Variants in EMP2 observed in about 807,000 individuals in gnomAD.
The protein encoded by EMP2 is epithelial membrane protein 2.
EMP2 carries 19 observed loss-of-function variants against 13.7 expected under a neutral mutation model. The observed-to-expected ratio is 1.38, with a 90% CI of 0.97 to 2.03. EMP2 has a LOEUF of 2.03. EMP2 is among the 30% of genes most tolerant of loss of function. The pLI, the probability that EMP2 is intolerant of heterozygous loss-of-function variation, is 0.00. For synonymous variants in EMP2, 97 were observed against 84.7 expected (o/e 1.15, Z -0.80); for missense variants, 253 against 220.7 (o/e 1.15, Z -0.93).
intron 2 of EMP2, chr16:10,545,517 G>A (rs1165639021): frequency 6.6e-6 from 1 of 152,200 alleles, no homozygotes; most frequent in Admixed American, 6.5e-5. Context: ...GATTCTTATA[G>A]GAGTGTCAAC....
intron 2 of EMP2, chr16:10,546,529 G>C (rs890572537): frequency 1.8e-4 from 28 of 152,214 alleles, no homozygotes; most frequent in African/African-American, 6.5e-4. Context: ...CATGAGCTCT[G>C]CTGGGGAGGA....
intron 3 of EMP2, among the ~76,000 whole-genome samples, chr16:10,539,406 A>G (rs909059973): frequency 4.6e-5 from 7 of 152,134 alleles, no homozygotes. Context: ...CTTTCCCCCA[A>G]TTCCTTATGG....
At chr16:10,579,708 G>GCACACACACACACACA (rs71133370) in intron 1 of EMP2, among the ~76,000 whole-genome samples, 21 of 146,784 alleles carry the variant, frequency 1.4e-4, no homozygotes, top group East Asian at 4.0e-4. Flanking sequence ...AGATCAAGGT[G>GCACACACACACACACA]CACACACACA....
At chr16:10,577,940 T>G in intron 1 of EMP2, 1 of 150,658 alleles carries the variant, frequency 6.6e-6, no homozygotes, top group African/African-American at 2.4e-5. Context: ...AGCCACATGT[T>G]GTCCCCCCCA....
intron 2 of EMP2, chr16:10,544,750 T>C (rs550611418): frequency 1.3e-5 from 2 of 152,346 alleles, no homozygotes; most frequent in South Asian, 4.1e-4. Flanking sequence ...TCAGGCATGG[T>C]GGTGTGTGAC....
chr16:10,539,391 C>G (rs1004366930), intron 3 of EMP2, among the ~76,000 whole-genome samples: 2 of 152,148 alleles, frequency 1.3e-5, no homozygotes, highest in Non-Finnish European at 2.9e-5. Flanking sequence ...TGGAGAGCAT[C>G]TAGCCTTTCC....
chr16:10,558,022 G>A (rs1057386496), intron 1 of EMP2, among the ~76,000 whole-genome samples: 1 of 148,200 alleles, frequency 6.7e-6, no homozygotes, highest in Middle Eastern at 3.4e-3. Flanking sequence ...GTGGCTCAGT[G>A]AGTTTCAAGT....
intron 3 of EMP2, among the ~76,000 whole-genome samples, chr16:10,539,354 C>A (rs1251001946): frequency 6.6e-6 from 1 of 152,124 alleles, no homozygotes; most frequent in East Asian, 1.9e-4. Context: ...TGGATTTAAT[C>A]CATTCTGGCT....
intron 4 of EMP2, among the ~76,000 whole-genome samples, chr16:10,536,787 A>T: frequency 6.6e-6 from 1 of 151,916 alleles, no homozygotes; most frequent in African/African-American, 2.4e-5. Context: ...TGCTTGGCTA[A>T]TTTTTTTTCT....
At chr16:10,549,647 C>G (rs1180879907) in intron 1 of EMP2, among the ~76,000 whole-genome samples, 1 of 151,938 alleles carries the variant, frequency 6.6e-6, no homozygotes, top group Non-Finnish European at 1.5e-5. Flanking sequence ...TTTTGAAGTA[C>G]AGTGCGAATC....
intron 1 of EMP2, among the ~76,000 whole-genome samples, chr16:10,571,040 T>C (rs1180468380): frequency 4.0e-5 from 6 of 151,084 alleles, no homozygotes; most frequent in South Asian, 2.1e-4. Flanking sequence ...GGGTGGATCA[T>C]GAGGTCAAGA....
At chr16:10,573,991 G>A (rs938445160) in intron 1 of EMP2, among the ~76,000 whole-genome samples, 11 of 132,216 alleles carry the variant, frequency 8.3e-5, no homozygotes, top group East Asian at 2.3e-4. Flanking sequence ...AGGCTGGAGT[G>A]CAGTGGCATG....
intron 1 of EMP2, among the ~76,000 whole-genome samples, chr16:10,568,919 T>C (rs978113849): frequency 4.6e-5 from 7 of 151,090 alleles, no homozygotes; most frequent in Admixed American, 1.3e-4. Context: ...CCTGAGTAGC[T>C]GGGATTACAT....
At chr16:10,542,173 AG>A (rs1026268374) in intron 3 of EMP2, among the ~76,000 whole-genome samples, 63 of 152,180 alleles carry the variant, frequency 4.1e-4, no homozygotes, top group African/African-American at 1.3e-3. Context: ...TGAGGTGGGC[AG>A]ATCTCTGGAG....
intron 1 of EMP2, among the ~76,000 whole-genome samples, chr16:10,573,749 C>T (rs138065282): frequency 3.3e-5 from 5 of 152,278 alleles, no homozygotes; most frequent in African/African-American, 9.6e-5. Flanking sequence ...GGACCTACTC[C>T]GATGTCTCCT....
intron 1 of EMP2, among the ~76,000 whole-genome samples, chr16:10,574,512 C>T (rs1225541879): frequency 1.3e-5 from 2 of 152,090 alleles, no homozygotes; most frequent in Non-Finnish European, 2.9e-5. Context: ...CCCACTGCTC[C>T]TCCAGCAGGG....
At position 10,565,935 on chromosome 16, in the gene EMP2, G is replaced by A. The variant is rs117932855; in HGVS notation, c.-61+14614C>T. 1.2e-4 allele frequency among the ~76,000 whole-genome samples: 19 copies of A among 152,268 alleles called. No individual in the cohort carries two copies. The East Asian group carries it at 2.5e-3, about 20-fold the overall frequency. ...TTGCATCTGCTCAATGACATTGTGCGGCTGTGCAACTGGGAAACTGACTCA... is the reference window on the plus strand; with the variant it reads ...TTGCATCTGCTCAATGACATTGTGCAGCTGTGCAACTGGGAAACTGACTCA... On this transcript the variant is annotated intron_variant, in intron 1 of 4. Coordinates refer to ENST00000359543, the MANE Select transcript of EMP2 (RefSeq NM_001424.6).
intron 1 of EMP2, among the ~76,000 whole-genome samples, chr16:10,574,502 C>T (rs1330887872): frequency 6.6e-6 from 1 of 152,134 alleles, no homozygotes; most frequent in Non-Finnish European, 1.5e-5. Flanking sequence ...AAACCATGCA[C>T]CCACTGCTCC....
intron 4 of EMP2, among the ~76,000 whole-genome samples, chr16:10,535,546 C>T (rs968095452): frequency 6.6e-6 from 1 of 152,054 alleles, no homozygotes; most frequent in African/African-American, 2.4e-5. Context: ...TAGTGAAACC[C>T]CATCTCTACA....
Sources: gnomAD v4.1 joint callset for allele counts (sites outside exome capture counted in the v4.1 genomes callset) on GRCh38, gnomAD v4.1.1 for gene constraint, MANE v1.5 for transcripts, NCBI Gene and HGNC (gene_info 2026-07-23, HGNC 2026-07-21) for gene names.